The following DGKB variants were observed in gnomAD, a reference collection of about 807,000 sequenced individuals.
The protein encoded by DGKB is diacylglycerol kinase beta, also known as 90 kDa diacylglycerol kinase.
DGKB carries 67 observed loss-of-function variants against 114.3 expected under a neutral mutation model. The ratio of observed to expected loss-of-function variants is 0.59; its 90% confidence interval spans 0.48 to 0.72. The LOEUF is 0.72. Ranked by LOEUF, DGKB falls within the 30% of genes least tolerant of loss-of-function variation. The pLI, the probability that DGKB is intolerant of heterozygous loss-of-function variation, is 0.00. For missense variants in DGKB, 907 were observed against 975.2 expected (o/e 0.93, Z 0.93); for synonymous variants, 398 against 323.1 (o/e 1.23, Z -2.49).
In DGKB at chr7:14,600,750, A is replaced by G. The variant is rs140923959; in HGVS notation, c.1433+6684T>C. On this transcript the variant is annotated intron_variant, in intron 17 of 25. Coordinates refer to ENST00000402815, the MANE Select transcript of DGKB (RefSeq NM_001350709.2). ...CTTGAAGCTGGGAATAACAAAAACC[A>G]AAAAACCCTCTTTGACGATGTGTCC... is the stretch of plus-strand genomic sequence containing the variant. 2.9e-3 allele frequency among the ~76,000 whole-genome samples: 438 copies of G among 152,336 alleles called. 2 individuals carry two copies. The highest frequency in any genetic ancestry group is 4.7e-3 in the Non-Finnish European group (319 of 68,030).
chr7:14,917,078 A>G (rs1784277457), intron 1 of DGKB, among the ~76,000 whole-genome samples: 1 of 152,168 alleles, frequency 6.6e-6, no homozygotes, highest in Non-Finnish European at 1.5e-5. Flanking sequence ...AATATTTTAA[A>G]CTAAATGACT....
At chr7:14,647,132 A>C (rs1398758220) in intron 13 of DGKB, among the ~76,000 whole-genome samples, 1 of 152,098 alleles carries the variant, frequency 6.6e-6, no homozygotes, top group East Asian at 1.9e-4. Context: ...GAGACATTAC[A>C]ACTGATACCA....
At chr7:14,249,870 T>C (rs1369937990) in intron 23 of DGKB, among the ~76,000 whole-genome samples, 1 of 152,046 alleles carries the variant, frequency 6.6e-6, no homozygotes, top group Non-Finnish European at 1.5e-5. Flanking sequence ...CTTCTGCTAA[T>C]TTTGGGTTTA....
intron 23 of DGKB, among the ~76,000 whole-genome samples, chr7:14,266,506 T>C (rs926678506): frequency 2.0e-5 from 3 of 152,210 alleles, no homozygotes; most frequent in Admixed American, 1.3e-4. Context: ...CATAAATTGC[T>C]GTCTCTGAAA....
rs1422445747 is a variant in DGKB, at chr7:14,916,924, A to T, written c.-188+57772T>A. 2.0e-5 allele frequency among the ~76,000 whole-genome samples: 3 copies of T among 152,112 alleles called. No homozygotes were observed. In the East Asian group the frequency reaches 5.8e-4, roughly 29 times the overall value. On this transcript the variant is annotated intron_variant, in intron 1 of 4. Coordinates refer to the DGKB transcript ENST00000437998. ...CACACCTTAACAAATTTAAGAGGTT[A>T]TAAGTCAAGCAAAGTATGCTCTCAA...
intron 23 of DGKB, among the ~76,000 whole-genome samples, chr7:14,264,407 G>C (rs1015794160): frequency 1.3e-5 from 2 of 152,138 alleles, no homozygotes; most frequent in Admixed American, 6.5e-5. Flanking sequence ...GCCTGATTGT[G>C]ACACACATAG....
At chr7:14,169,138 T>G (rs991406563) in intron 25 of DGKB, among the ~76,000 whole-genome samples, 3 of 150,650 alleles carry the variant, frequency 2.0e-5, no homozygotes, top group African/African-American at 7.3e-5. Flanking sequence ...GGCTTGTGGA[T>G]CACAAGGTCA....
chr7:14,439,630 G>A (rs758364853), intron 21 of DGKB, among the ~76,000 whole-genome samples: 4 of 151,982 alleles, frequency 2.6e-5, no homozygotes, highest in South Asian at 2.1e-4. Flanking sequence ...TTGGGAGGCC[G>A]AAGTGGATGG....
intron 4 of DGKB, among the ~76,000 whole-genome samples, chr7:14,743,290 A>C (rs1409734694): frequency 6.6e-6 from 1 of 152,220 alleles, no homozygotes; most frequent in African/African-American, 2.4e-5. Context: ...TGCCTTGTAA[A>C]TAGACTGCCA....
chr7:14,204,853 T>C (rs528320966), intron 23 of DGKB, among the ~76,000 whole-genome samples: 2 of 152,160 alleles, frequency 1.3e-5, no homozygotes, highest in African/African-American at 4.8e-5. Flanking sequence ...AAATTGTTGG[T>C]AGTTATTTTC....
At chr7:14,157,457 A>G (rs1783188928) in intron 25 of DGKB, among the ~76,000 whole-genome samples, 1 of 151,794 alleles carries the variant, frequency 6.6e-6, no homozygotes, top group African/African-American at 2.4e-5. Context: ...TCGATCTAAC[A>G]TCAAATTCAG....
intron 20 of DGKB, among the ~76,000 whole-genome samples, chr7:14,502,523 C>T (rs1786361793): frequency 6.6e-6 from 1 of 152,030 alleles, no homozygotes; most frequent in African/African-American, 2.4e-5. Context: ...AAACCAAACA[C>T]AACTATACTA....
At chr7:14,945,470 A>T (rs1785822015) in intron 1 of DGKB, among the ~76,000 whole-genome samples, 1 of 151,818 alleles carries the variant, frequency 6.6e-6, no homozygotes, top group African/African-American at 2.4e-5. Flanking sequence ...TGTTTTATCA[A>T]TTAAACATGT....
At chr7:14,911,601 T>C (rs956007133) in intron 1 of DGKB, among the ~76,000 whole-genome samples, 1 of 152,170 alleles carries the variant, frequency 6.6e-6, no homozygotes, top group African/African-American at 2.4e-5. Flanking sequence ...GAACTGTTGA[T>C]AAATCTCTTC....
intron 21 of DGKB, among the ~76,000 whole-genome samples, chr7:14,475,986 G>T (rs1386718373): frequency 1.3e-5 from 2 of 152,036 alleles, no homozygotes; most frequent in Non-Finnish European, 2.9e-5. Context: ...AATATGATTA[G>T]CACATAAATA....
chr7:14,279,336 G>T (rs1376987783), intron 23 of DGKB, among the ~76,000 whole-genome samples: 1 of 152,178 alleles, frequency 6.6e-6, no homozygotes, highest in Non-Finnish European at 1.5e-5. Flanking sequence ...GGCTTGATTA[G>T]GTAAACAAAG....
At chr7:14,913,799 C>T (rs1219593097) in intron 1 of DGKB, among the ~76,000 whole-genome samples, 1 of 152,098 alleles carries the variant, frequency 6.6e-6, no homozygotes, top group Non-Finnish European at 1.5e-5. Context: ...GAAGTCATCA[C>T]TCTCATCCAC....
chr7:14,323,201 A>G (rs1306432447), intron 23 of DGKB, among the ~76,000 whole-genome samples: 1 of 152,224 alleles, frequency 6.6e-6, no homozygotes, highest in Non-Finnish European at 1.5e-5. Context: ...GCAAATCAAT[A>G]TATGCCATAT....
chr7:14,235,362 T>G (rs1181141576), intron 23 of DGKB, among the ~76,000 whole-genome samples: 1 of 152,078 alleles, frequency 6.6e-6, no homozygotes, highest in African/African-American at 2.4e-5. Context: ...ATTTCTATTA[T>G]AATTATCTTA....
Sources: allele counts gnomAD v4.1 joint callset (sites outside exome capture counted in the v4.1 genomes callset), GRCh38; gene constraint gnomAD v4.1.1; transcripts MANE v1.5; gene names NCBI Gene and HGNC (gene_info 2026-07-23, HGNC 2026-07-21).